The following CNTN5 variants were observed in gnomAD, a reference collection of about 807,000 sequenced individuals.
CNTN5 encodes the protein contactin 5, also known as contactin-5.
A neutral mutation model predicts 129.1 loss-of-function variants in CNTN5; 77 were observed. The ratio of observed to expected loss-of-function variants is 0.60; its 90% CI spans 0.50 to 0.72. The LOEUF is 0.72. CNTN5 is among the 30% of genes least tolerant of loss of function. The pLI, the probability that CNTN5 is intolerant of heterozygous loss-of-function variation, is 0.00. For synonymous variants in CNTN5, 509 were observed against 465.6 expected (o/e 1.09, Z -1.20); for missense variants, 1,478 against 1,328.8 (o/e 1.11, Z -1.75).
At chr11:99,578,313 G>A (rs1268409812) in intron 3 of CNTN5, among the ~76,000 whole-genome samples, 1 of 151,684 alleles carries the variant, frequency 6.6e-6, no homozygotes, top group Non-Finnish European at 1.5e-5. Flanking sequence ...CTTTATGGCA[G>A]CATGATTTAT....
At position 100,110,352 on chromosome 11, in the gene CNTN5, T is replaced by C. The variant is rs868793398; in HGVS notation, c.1580+36058T>C. Among the ~76,000 whole-genome samples the C allele has an allele frequency of 2.0e-5, 3 of 152,142 alleles. No individual in the cohort carries two copies. The South Asian group carries it at 6.2e-4, about 31-fold the overall frequency. ...AACACTATTTAAACAAGAGCACCTG[T>C]AGACGTGTCATATTTTAAGGGCAAT... is the stretch of plus-strand genomic sequence containing the variant. On this transcript the variant is annotated intron_variant, in intron 13 of 24. Transcript: ENST00000524871.
intron 4 of CNTN5, among the ~76,000 whole-genome samples, chr11:99,824,509 G>T (rs1322005387): frequency 6.6e-6 from 1 of 151,938 alleles, no homozygotes; most frequent in African/African-American, 2.4e-5. Context: ...CTGGTTAAAT[G>T]CATTGCGGAT....
intron 15 of CNTN5, among the ~76,000 whole-genome samples, chr11:100,195,037 T>A (rs995943914): frequency 2.0e-5 from 3 of 151,996 alleles, no homozygotes; most frequent in African/African-American, 7.2e-5. Context: ...ATTAAACACA[T>A]TTTGCTCTGC....
intron 3 of CNTN5, among the ~76,000 whole-genome samples, chr11:99,613,971 A>C (rs1591362854): frequency 6.6e-6 from 1 of 152,218 alleles, no homozygotes; most frequent in East Asian, 1.9e-4. Flanking sequence ...TGTTTTCTGC[A>C]TTGTTATAAC....
chr11:99,059,156 T>C (rs2135203806), intron 1 of CNTN5, among the ~76,000 whole-genome samples: 1 of 151,528 alleles, frequency 6.6e-6, no homozygotes, highest in African/African-American at 2.4e-5. Flanking sequence ...GTCATTGGTT[T>C]TAAGTATCTG....
intron 2 of CNTN5, among the ~76,000 whole-genome samples, chr11:99,527,127 T>C (rs1329433010): frequency 1.3e-5 from 2 of 152,346 alleles, no homozygotes; most frequent in African/African-American, 4.8e-5. Context: ...ATGTCTGAAA[T>C]AGCAGAATGT....
chr11:99,113,032 G>A (rs542908853), intron 1 of CNTN5, among the ~76,000 whole-genome samples: 5 of 152,068 alleles, frequency 3.3e-5, no homozygotes, highest in East Asian at 3.9e-4. Flanking sequence ...ATAGTCATAC[G>A]AAAGGCAACC....
intron 6 of CNTN5, among the ~76,000 whole-genome samples, chr11:99,852,600 A>G (rs1307639522): frequency 1.3e-5 from 2 of 152,236 alleles, no homozygotes; most frequent in Non-Finnish European, 2.9e-5. Context: ...TAATTCAAGT[A>G]CAACCAAACA....
intron 2 of CNTN5, among the ~76,000 whole-genome samples, chr11:99,531,963 T>C (rs1947725723): frequency 6.6e-6 from 1 of 151,380 alleles, no homozygotes; most frequent in Non-Finnish European, 1.5e-5. Context: ...CCACACAGAG[T>C]CCCTTCTGGG....
At chr11:99,733,427 G>A (rs754584442) in intron 3 of CNTN5, among the ~76,000 whole-genome samples, 1 of 135,634 alleles carries the variant, frequency 7.4e-6, no homozygotes, top group Non-Finnish European at 1.6e-5. Flanking sequence ...GTTCTTGAAG[G>A]CTGTTTAGAA....
At chr11:99,659,370 G>A (rs959636476) in intron 3 of CNTN5, among the ~76,000 whole-genome samples, 4 of 152,178 alleles carry the variant, frequency 2.6e-5, no homozygotes, top group Admixed American at 2.6e-4. Context: ...AGATATATAA[G>A]TAAACATAAC....
chr11:99,350,427 T>C (rs1195523786), intron 2 of CNTN5, among the ~76,000 whole-genome samples: 1 of 152,154 alleles, frequency 6.6e-6, no homozygotes, highest in Admixed American at 6.6e-5. Context: ...AATATAGATA[T>C]GCACTGTGAA....
At chr11:99,459,467 T>C (rs544573277) in intron 2 of CNTN5, among the ~76,000 whole-genome samples, 27 of 152,086 alleles carry the variant, frequency 1.8e-4, no homozygotes, top group African/African-American at 6.3e-4. Flanking sequence ...GCATTAACAT[T>C]ATTAGAATAT....
chr11:99,714,304 A>C (rs1425889249), intron 3 of CNTN5, among the ~76,000 whole-genome samples: 1 of 151,930 alleles, frequency 6.6e-6, no homozygotes, highest in African/African-American at 2.4e-5. Context: ...GTGCATATAC[A>C]TCCCAGAAAA....
At chr11:99,406,811 G>A (rs908245286) in intron 2 of CNTN5, among the ~76,000 whole-genome samples, 18 of 152,136 alleles carry the variant, frequency 1.2e-4, no homozygotes, top group Non-Finnish European at 2.2e-4. Context: ...CAAAGGCAGA[G>A]GAGCTTCATA....
At chr11:99,928,052 T>C (rs934139355) in intron 7 of CNTN5, among the ~76,000 whole-genome samples, 4 of 152,146 alleles carry the variant, frequency 2.6e-5, no homozygotes, top group Non-Finnish European at 5.9e-5. Context: ...AGAGGCCCCA[T>C]GCAAGTCCTA....
In CNTN5 at chr11:99,148,853, A is replaced by G. The variant is rs533197462; in HGVS notation, c.-210+127583A>G. Among the ~76,000 whole-genome samples the G allele has an allele frequency of 3.9e-5, 6 of 152,252 alleles. No individual in the cohort carries two copies. The South Asian group carries it at 1.2e-3, about 32-fold the overall frequency. On this transcript the variant is annotated intron_variant, in intron 1 of 24. Coordinates refer to ENST00000524871, the MANE Select transcript of CNTN5 (RefSeq NM_014361.4). ...AAGATTATTAAAATAATGTAATGCT[A>G]TGTATATATGACCAAATTTAATATA...
intron 1 of CNTN5, among the ~76,000 whole-genome samples, chr11:99,222,745 C>T (rs1407729468): frequency 6.6e-6 from 1 of 151,982 alleles, no homozygotes; most frequent in Non-Finnish European, 1.5e-5. Flanking sequence ...TATAAAGTTT[C>T]TGTGGAAAAA....
chr11:99,722,277 T>C (rs1299086997), intron 3 of CNTN5, among the ~76,000 whole-genome samples: 2 of 152,298 alleles, frequency 1.3e-5, no homozygotes, highest in East Asian at 1.9e-4. Flanking sequence ...GTGGTACATA[T>C]ACACTGTGGA....
Sources: allele counts gnomAD v4.1 joint callset (sites outside exome capture counted in the v4.1 genomes callset), GRCh38; gene constraint gnomAD v4.1.1; transcripts MANE v1.5; gene names NCBI Gene and HGNC (gene_info 2026-07-23, HGNC 2026-07-21).